The following PRPF3 variants were observed in gnomAD, a reference collection of about 807,000 sequenced individuals.
PRPF3 encodes U4/U6 small nuclear ribonucleoprotein Prp3.
PRPF3 carries 3 observed loss-of-function variants against 89.2 expected under a neutral mutation model. The observed-to-expected ratio is 0.03, with a 90% confidence interval of 0.02 to 0.09. PRPF3 has a LOEUF of 0.09. Ranked by LOEUF, PRPF3 falls within the 10% of genes least tolerant of loss-of-function variation. PRPF3 has a pLI of 1.00. For missense variants in PRPF3, 463 were observed against 828.8 expected (o/e 0.56, Z 5.42); for synonymous variants, 270 against 289.1 (o/e 0.93, Z 0.67).
In PRPF3 at chr1:150,346,167, C is replaced by T. The variant is rs781783175; in HGVS notation, c.1759+31C>T. 1.9e-6 allele frequency: 3 copies of T among 1,561,962 alleles called. No homozygotes were observed. The African/African-American group carries it at 4.1e-5, about 21-fold the overall frequency. On this transcript the variant is annotated intron_variant, in intron 13 of 15. Coordinates refer to ENST00000324862, the MANE Select transcript of PRPF3 (RefSeq NM_004698.4). ...TCTGAAAAACTTGAGGGAGACTGTC[C>T]CCAGACAACCCTAGGCTTAGAGTGA...
chr1:150,331,555 G>A (rs1395894064), intron 4 of PRPF3, among the ~76,000 whole-genome samples: 3 of 151,450 alleles, frequency 2.0e-5, no homozygotes, highest in African/African-American at 7.3e-5. Context: ...ACTAGAGACG[G>A]TGTTTCACCA....
intron 8 of PRPF3, among the ~76,000 whole-genome samples, chr1:150,339,387 A>AG (rs1481692793): frequency 6.7e-6 from 1 of 149,384 alleles, no homozygotes; most frequent in African/African-American, 2.5e-5. Context: ...AAAAAAAAAA[A>AG]GGATATAAGA....
intron 7 of PRPF3, among the ~76,000 whole-genome samples, chr1:150,337,561 AG>A (rs1200600719): frequency 6.6e-6 from 1 of 151,448 alleles, no homozygotes; most frequent in East Asian, 2.0e-4. Flanking sequence ...GCGAATCACT[AG>A]GTCAGGAGAT....
At chr1:150,344,323 G>C in intron 11 of PRPF3, 62 bp downstream of exon 11, 2 of 1,613,600 alleles carry the variant, frequency 1.2e-6, no homozygotes, top group East Asian at 4.5e-5. Context: ...TCTTCTGGGG[G>C]GTCCATATTT....
rs587770506 is a variant in PRPF3, at chr1:150,349,297, T to G, written c.1905+79T>G. ...ATACTATTTGAGTGGAGCAATGGAA[T>G]GTAAGATGTAATCAGTGAATAATGT... On this transcript the variant is annotated intron_variant, in intron 15 of 15. Coordinates refer to ENST00000324862, the MANE Select transcript of PRPF3 (RefSeq NM_004698.4). 4.9e-6 allele frequency: 5 copies of G among 1,028,114 alleles called. No homozygotes were observed. The South Asian group carries it at 6.4e-5, about 13-fold the overall frequency. 63.7% of individuals were successfully genotyped at this position (1,028,114 alleles called of 1,614,324 possible). A position where few individuals can be genotyped will look rare whatever the true frequency, so the allele number is the denominator to read the frequency against.
intron 15 of PRPF3, among the ~76,000 whole-genome samples, chr1:150,352,074 C>T (rs1658991925): frequency 6.6e-6 from 1 of 152,104 alleles, no homozygotes; most frequent in South Asian, 2.1e-4. Context: ...CCATTCTGCC[C>T]AGTACTGTCT....
At chr1:150,351,765 C>G (rs1553874439) in intron 15 of PRPF3, among the ~76,000 whole-genome samples, 1 of 150,796 alleles carries the variant, frequency 6.6e-6, no homozygotes, top group Non-Finnish European at 1.5e-5. Flanking sequence ...CCACCTCAGC[C>G]TCCCAAAGTG....
chr1:150,344,398 C>A (rs1553872338), intron 11 of PRPF3, 36 bp from the exon 12 acceptor site: 7 of 1,614,196 alleles, frequency 4.3e-6, no homozygotes, highest in Non-Finnish European at 5.9e-6. Flanking sequence ...TCTTCAATGC[C>A]TTTCTCACTT....
Position 150,332,996 on chromosome 1 carries a change from C to T in PRPF3, c.525C>T (p.Ser175=), listed in dbSNP as rs1203572113. The change falls in exon 6 of 16, where the codon TCC becomes TCT. Residue 175 remains serine, a synonymous_variant. Transcript: ENST00000324862. ...PPTPQPKTPS[S]SQPERLPIGN... ...TCTCACAGCCAAAGACTCCTTCTTC[C>T]TCCCAACCAGAACGACTTCCTATTG... is the stretch of plus-strand genomic sequence containing the variant. 6.2e-7 allele frequency: 1 copy of T among 1,613,526 alleles called. No homozygotes were observed. Among genetic ancestry groups the T allele is most frequent in the African/African-American group, 1.3e-5 (1 of 74,924 alleles).
chr1:150,321,693 G>A (rs922535429), intron 1 of PRPF3, 101 bp downstream of exon 1: 2 of 151,548 alleles, frequency 1.3e-5, no homozygotes, highest in Non-Finnish European at 2.9e-5. Context: ...GGTTCAGCGG[G>A]AAGGAGTGTG....
intron 7 of PRPF3, among the ~76,000 whole-genome samples, chr1:150,337,343 A>C (rs897022476): frequency 2.1e-4 from 32 of 152,028 alleles, no homozygotes; most frequent in African/African-American, 7.7e-4. Context: ...CCGGCCATAA[A>C]ATTCTATTTC....
chr1:150,349,111 G>A, intron 14 of PRPF3, 46 bp from the exon 15 acceptor site: 1 of 1,465,052 alleles, frequency 6.8e-7, no homozygotes, highest in Non-Finnish European at 9.6e-7. Flanking sequence ...TATTTGTTTA[G>A]AACCTGAATC....
At chr1:150,323,467 C>G (rs902411226) in intron 1 of PRPF3, among the ~76,000 whole-genome samples, 1 of 151,610 alleles carries the variant, frequency 6.6e-6, no homozygotes, top group Non-Finnish European at 1.5e-5. Flanking sequence ...GAAACCGTGT[C>G]TTTATTAAAA....
In PRPF3 at chr1:150,325,952, G is replaced by A. The variant is rs1420662308; in HGVS notation, c.276+71G>A. 16 of 1,565,150 alleles carry A rather than the reference G, an allele frequency of 1.0e-5. No individual in the cohort carries two copies. The African/African-American group carries it at 1.9e-4, about 19-fold the overall frequency. Reference sequence around the variant, plus strand: ...GGTAACAGAGTTGCTGAGCTTACCAGTTCACACGTTGATATCCTCTATTTA... The same window carrying A: ...GGTAACAGAGTTGCTGAGCTTACCAATTCACACGTTGATATCCTCTATTTA... On this transcript the variant is annotated intron_variant, in intron 3 of 15. Transcript: ENST00000324862.
chr1:150,348,198 G>A (rs1658489785), intron 14 of PRPF3, among the ~76,000 whole-genome samples: 1 of 151,814 alleles, frequency 6.6e-6, no homozygotes, highest in African/African-American at 2.4e-5. Flanking sequence ...GCCTGACATG[G>A]TGAAACCCCG....
chr1:150,345,457 T>C, intron 12 of PRPF3: 1 of 156,056 alleles, frequency 6.4e-6, no homozygotes. Context: ...TTCAAGCAAT[T>C]CTCCTGCCTC....
At chr1:150,345,057 T>C (rs1658140124) in intron 12 of PRPF3, among the ~76,000 whole-genome samples, 1 of 151,306 alleles carries the variant, frequency 6.6e-6, no homozygotes, top group African/African-American at 2.4e-5. Flanking sequence ...GTTGATTTAA[T>C]GTTTTTATTC....
chr1:150,341,063 G>A (rs1657642662), intron 9 of PRPF3, among the ~76,000 whole-genome samples: 1 of 146,312 alleles, frequency 6.8e-6, no homozygotes, highest in South Asian at 2.1e-4. Context: ...CTGAGATGGT[G>A]CTGCTGCACT....
At chr1:150,350,000 A>G (rs1176944423) in intron 15 of PRPF3, among the ~76,000 whole-genome samples, 3 of 151,650 alleles carry the variant, frequency 2.0e-5, no homozygotes, top group African/African-American at 7.3e-5. Context: ...GGTTCAAACG[A>G]TTCTCCTGCC....
Sources: gnomAD v4.1 joint callset for allele counts (sites outside exome capture counted in the v4.1 genomes callset) on GRCh38, gnomAD v4.1.1 for gene constraint, MANE v1.5 for transcripts, NCBI Gene and HGNC (gene_info 2026-07-23, HGNC 2026-07-21) for gene names.